Variants in NEGR1 observed in about 807,000 individuals in gnomAD.
NEGR1 encodes neuronal growth regulator 1.
NEGR1 carries 10 observed loss-of-function variants against 40.9 expected under a neutral mutation model. The observed-to-expected ratio is 0.24, with a 90% CI of 0.15 to 0.42. The LOEUF (loss-of-function observed/expected upper bound fraction) is 0.42. Among genes scored for constraint, NEGR1 ranks in the 10% least tolerant of loss-of-function variants. The pLI is 1.00. For missense variants in NEGR1, 352 were observed against 438.9 expected, an observed-to-expected ratio of 0.80 and a Z score of 1.77; for synonymous variants, 185 against 166.8, an observed-to-expected ratio of 1.11 and a Z score of -0.84.
intron 1 of NEGR1, among the ~76,000 whole-genome samples, chr1:72,085,968 C>CAAAAA (rs36028456): frequency 3.2e-5 from 2 of 63,040 alleles, no homozygotes; most frequent in African/African-American, 5.6e-5. Flanking sequence ...GACTCTGTCT[C>CAAAAA]AAAAAAAAAA....
At position 71,582,686 on chromosome 1, in the gene NEGR1, A is replaced by G. The variant is rs559957605; in HGVS notation, c.940+10131T>C. Among the ~76,000 whole-genome samples the G allele has an allele frequency of 3.3e-4, 50 of 152,308 alleles. 1 individual carries two copies. In the South Asian group the frequency reaches 9.9e-3, roughly 30 times the overall value. ...CTTTGGGCAGCCAATTCTGTGACTAAGATAATATTTTAAAAAAGTAATCCT... is the reference window on the plus strand; with the variant it reads ...CTTTGGGCAGCCAATTCTGTGACTAGGATAATATTTTAAAAAAGTAATCCT... On this transcript the variant is annotated intron_variant, in intron 6 of 6. Transcript: ENST00000357731.
intron 6 of NEGR1, among the ~76,000 whole-genome samples, chr1:71,496,007 G>C (rs7553624): frequency 6.6e-6 from 1 of 151,834 alleles, no homozygotes; most frequent in African/African-American, 2.4e-5. Context: ...TTTGGGAATA[G>C]GTCTCTGCCT....
At chr1:71,709,733 CT>C (rs1362297845) in intron 3 of NEGR1, among the ~76,000 whole-genome samples, 2 of 152,198 alleles carry the variant, frequency 1.3e-5, no homozygotes, top group Non-Finnish European at 2.9e-5. Context: ...GGATTAAAGA[CT>C]TAAATTTAAG....
chr1:71,970,997 A>G (rs1646251732), intron 1 of NEGR1, among the ~76,000 whole-genome samples: 1 of 152,196 alleles, frequency 6.6e-6, no homozygotes, highest in Admixed American at 6.5e-5. Context: ...AGATGTAATT[A>G]GTTAAACATC....
chr1:71,851,412 T>C (rs1467711166), intron 2 of NEGR1, among the ~76,000 whole-genome samples: 1 of 152,286 alleles, frequency 6.6e-6, no homozygotes, highest in East Asian at 1.9e-4. Context: ...ATGCAAATTT[T>C]CTTTTAAAAC....
intron 6 of NEGR1, among the ~76,000 whole-genome samples, chr1:71,449,695 T>C (rs955939266): frequency 1.3e-5 from 2 of 152,184 alleles, no homozygotes; most frequent in African/African-American, 4.8e-5. Context: ...TCAACAAGTT[T>C]TCAAAGAAAT....
intron 3 of NEGR1, among the ~76,000 whole-genome samples, chr1:71,701,923 C>G (rs373957798): frequency 2.0e-4 from 30 of 151,968 alleles, no homozygotes; most frequent in Admixed American, 3.3e-4. Flanking sequence ...ACAAATCTAT[C>G]AAGTAATGTA....
intron 1 of NEGR1, among the ~76,000 whole-genome samples, chr1:71,994,621 A>T: frequency 6.6e-6 from 1 of 152,048 alleles, no homozygotes. Context: ...CATGAAGTAG[A>T]ACAGTCAAGT....
At chr1:72,004,378 C>G (rs1038610615) in intron 1 of NEGR1, among the ~76,000 whole-genome samples, 2 of 152,224 alleles carry the variant, frequency 1.3e-5, no homozygotes, top group African/African-American at 4.8e-5. Flanking sequence ...ACGATCTCTG[C>G]TCATTGCAAC....
At chr1:71,631,872 C>T (rs532294802) in intron 4 of NEGR1, among the ~76,000 whole-genome samples, 105 of 151,660 alleles carry the variant, frequency 6.9e-4, no homozygotes, top group Middle Eastern at 3.4e-3. Flanking sequence ...TAAATATGCA[C>T]GTTCATACAG....
chr1:71,990,903 C>CAT (rs751558775), intron 1 of NEGR1, among the ~76,000 whole-genome samples: 70 of 123,224 alleles, frequency 5.7e-4, no homozygotes, highest in South Asian at 2.0e-3. Flanking sequence ...TAGGCATATA[C>CAT]ATATATATAT....
intron 3 of NEGR1, among the ~76,000 whole-genome samples, chr1:71,731,015 C>G (rs1654848825): frequency 6.6e-6 from 1 of 151,526 alleles, no homozygotes; most frequent in African/African-American, 2.4e-5. Context: ...CATTACTGGG[C>G]TTTTTACTTT....
chr1:72,272,268 C>A (rs907905900), intron 1 of NEGR1, among the ~76,000 whole-genome samples: 1 of 151,752 alleles, frequency 6.6e-6, no homozygotes, highest in East Asian at 1.9e-4. Flanking sequence ...CTCCCCATCT[C>A]TACTCTGATT....
intron 2 of NEGR1, among the ~76,000 whole-genome samples, chr1:71,866,311 T>C (rs1231797411): frequency 2.0e-5 from 3 of 152,118 alleles, no homozygotes; most frequent in Non-Finnish European, 4.4e-5. Context: ...GAAATTCTGG[T>C]TTCAGAGGAA....
intron 3 of NEGR1, among the ~76,000 whole-genome samples, chr1:71,728,709 C>T (rs1447630737): frequency 6.6e-6 from 1 of 152,058 alleles, no homozygotes; most frequent in East Asian, 1.9e-4. Context: ...ACATTGATTG[C>T]CTCTCAGAGT....
intron 6 of NEGR1, among the ~76,000 whole-genome samples, chr1:71,512,771 A>G (rs1553147317): frequency 6.6e-6 from 1 of 151,886 alleles, no homozygotes; most frequent in Non-Finnish European, 1.5e-5. Flanking sequence ...TAGTAGAGAC[A>G]GGGTTCCACT....
At chr1:71,600,673 G>C (rs1292517120) in intron 5 of NEGR1, among the ~76,000 whole-genome samples, 1 of 152,220 alleles carries the variant, frequency 6.6e-6, no homozygotes, top group Non-Finnish European at 1.5e-5. Context: ...TGTGAGGGTA[G>C]AATGGCAAGA....
intron 1 of NEGR1, among the ~76,000 whole-genome samples, chr1:72,229,099 C>T (rs1218585541): frequency 1.3e-5 from 2 of 151,996 alleles, no homozygotes; most frequent in African/African-American, 4.8e-5. Context: ...TTGGAGCTGG[C>T]ATTCCGTTAT....
At chr1:71,612,847 C>T (rs1428312872) in intron 4 of NEGR1, among the ~76,000 whole-genome samples, 1 of 152,072 alleles carries the variant, frequency 6.6e-6, no homozygotes, top group East Asian at 1.9e-4. Context: ...TAATAAATAG[C>T]AAGATTGGTG....
Sources: gnomAD v4.1 joint callset for allele counts (sites outside exome capture counted in the v4.1 genomes callset) on GRCh38, gnomAD v4.1.1 for gene constraint, MANE v1.5 for transcripts, NCBI Gene and HGNC (gene_info 2026-07-23, HGNC 2026-07-21) for gene names.